Variants in PRKCQ observed in about 807,000 individuals in gnomAD.
The protein encoded by PRKCQ is protein kinase C theta, also known as protein kinase C theta type.
In PRKCQ, 41 loss-of-function variants were observed where a neutral mutation model predicts 91.2. That is an observed-to-expected ratio of 0.45 (90% CI 0.35 to 0.58). The LOEUF is 0.58. Among genes scored for constraint, PRKCQ ranks in the 20% least tolerant of loss-of-function variants. The probability of loss-of-function intolerance (pLI) is 0.00; values close to 1 mark genes in which losing one functional copy is unlikely to be tolerated. For missense variants in PRKCQ, 673 were observed against 896.5 expected (o/e 0.75, Z 3.18); for synonymous variants, 307 against 316.9 (o/e 0.97, Z 0.33).
At chr10:6,469,162 G>C (rs1835836324) in intron 12 of PRKCQ, among the ~76,000 whole-genome samples, 1 of 152,192 alleles carries the variant, frequency 6.6e-6, no homozygotes, top group African/African-American at 2.4e-5. Context: ...CACACTGTGG[G>C]TCCCCAGGTT....
chr10:6,476,282 G>A (rs759725336), intron 12 of PRKCQ, among the ~76,000 whole-genome samples: 13 of 135,564 alleles, frequency 9.6e-5, no homozygotes, highest in Admixed American at 3.2e-4. Flanking sequence ...AGCCTTCCCC[G>A]TAAGACATGA....
At chr10:6,535,821 T>G (rs766402233) in intron 1 of PRKCQ, among the ~76,000 whole-genome samples, 1 of 152,192 alleles carries the variant, frequency 6.6e-6, no homozygotes, top group Non-Finnish European at 1.5e-5. Context: ...ATAAGCTCTA[T>G]GCTTTGGAAA....
At position 6,500,663 on chromosome 10, in the gene PRKCQ, T is replaced by C. The variant is rs114387280; in HGVS notation, c.380-2105A>G. ...ATTTTTTTTGTATTGACTATATTTA[T>C]TTCTCTATTTACTGGTTTGAATGAG... On this transcript the variant is annotated intron_variant, in intron 4 of 17. Coordinates refer to ENST00000263125, the MANE Select transcript of PRKCQ (RefSeq NM_006257.5). 3.2e-3 allele frequency among the ~76,000 whole-genome samples: 492 copies of C among 152,278 alleles called. 2 individuals are homozygous for C. The highest frequency in any genetic ancestry group is 0.011 in the African/African-American group (466 of 41,578).
chr10:6,486,253 G>C (rs1421410134), intron 8 of PRKCQ, 109 bp from the exon 9 acceptor site: 5 of 865,008 alleles, frequency 5.8e-6, no homozygotes, highest in African/African-American at 3.4e-5. Flanking sequence ...AAAGCCTAAA[G>C]TGCCACGGCT....
At chr10:6,550,361 C>G (rs1291210964) in intron 1 of PRKCQ, among the ~76,000 whole-genome samples, 1 of 152,166 alleles carries the variant, frequency 6.6e-6, no homozygotes, top group African/African-American at 2.4e-5. Context: ...GCAGCCTCCA[C>G]CTCCCAGATT....
the PRKCQ span, among the ~76,000 whole-genome samples, chr10:6,417,990 A>C: frequency 2.6e-5 from 4 of 152,144 alleles, no homozygotes; most frequent in Non-Finnish European, 4.4e-5. Context: ...CCCATCTCCC[A>C]GAGGCGCGCC....
intron 15 of PRKCQ, among the ~76,000 whole-genome samples, chr10:6,455,210 C>T (rs1290947209): frequency 6.6e-6 from 1 of 152,144 alleles, no homozygotes. Flanking sequence ...TCTTAAGTCC[C>T]CATCACTCGT....
At chr10:6,543,779 G>T (rs1250313901) in intron 1 of PRKCQ, among the ~76,000 whole-genome samples, 1 of 152,166 alleles carries the variant, frequency 6.6e-6, no homozygotes, top group Non-Finnish European at 1.5e-5. Flanking sequence ...GGAGGAAACT[G>T]GGGGGTCGGC....
chr10:6,530,552 G>T (rs1588389738), intron 1 of PRKCQ, among the ~76,000 whole-genome samples: 1 of 152,218 alleles, frequency 6.6e-6, no homozygotes, highest in African/African-American at 2.4e-5. Flanking sequence ...GTCACAGGGG[G>T]GGTTGTTGCA....
chr10:6,506,474 C>T (rs79846299), intron 4 of PRKCQ, among the ~76,000 whole-genome samples: 1,802 of 152,246 alleles, frequency 0.012, 34 homozygotes, highest in African/African-American at 0.041. Flanking sequence ...TCGCCTTTTA[C>T]TAAAATATTT....
intron 16 of PRKCQ, among the ~76,000 whole-genome samples, chr10:6,437,465 T>C (rs1206744225): frequency 1.3e-5 from 2 of 152,164 alleles, no homozygotes; most frequent in African/African-American, 4.8e-5. Context: ...GAAAGAAATG[T>C]CTGTTGTTTA....
intron 1 of PRKCQ, among the ~76,000 whole-genome samples, chr10:6,568,321 CATTTA>C (rs923040502): frequency 7.9e-5 from 12 of 152,096 alleles, no homozygotes; most frequent in South Asian, 2.1e-4. Context: ...AATATCTTTT[CATTTA>C]ATTTAAACAA....
intron 15 of PRKCQ, among the ~76,000 whole-genome samples, chr10:6,454,799 G>A (rs988165493): frequency 2.6e-5 from 4 of 152,148 alleles, no homozygotes; most frequent in Non-Finnish European, 5.9e-5. Flanking sequence ...CATCAATGAA[G>A]TTGCTCGTGG....
chr10:6,423,598 C>T (rs1038827801), downstream of PRKCQ, among the ~76,000 whole-genome samples: 16 of 152,148 alleles, frequency 1.1e-4, no homozygotes, highest in African/African-American at 2.9e-4. Flanking sequence ...TCAGTAACTC[C>T]GGGAAGTGAG....
At chr10:6,415,048 C>T in the PRKCQ span, among the ~76,000 whole-genome samples, 1 of 151,940 alleles carries the variant, frequency 6.6e-6, no homozygotes, top group Non-Finnish European at 1.5e-5. Context: ...CTGCAACCTC[C>T]GTCTCCTGGG....
At chr10:6,542,057 G>A (rs1839794274) in intron 1 of PRKCQ, among the ~76,000 whole-genome samples, 1 of 152,214 alleles carries the variant, frequency 6.6e-6, no homozygotes, top group South Asian at 2.1e-4. Flanking sequence ...AGAGGCAGAA[G>A]CCTGGGATGC....
chr10:6,491,918 G>C, intron 7 of PRKCQ, 106 bp from the exon 8 acceptor site: 1 of 1,447,504 alleles, frequency 6.9e-7, no homozygotes, highest in Middle Eastern at 1.8e-4. Flanking sequence ...TGAAAACACT[G>C]GCATTGTGTG....
chr10:6,510,426 A>G (rs930204764), intron 3 of PRKCQ, among the ~76,000 whole-genome samples: 4 of 152,216 alleles, frequency 2.6e-5, no homozygotes, highest in African/African-American at 9.6e-5. Flanking sequence ...AGAAGACCAA[A>G]CATTAAATGG....
At chr10:6,445,599 T>C (rs1834237634) in intron 15 of PRKCQ, among the ~76,000 whole-genome samples, 1 of 152,250 alleles carries the variant, frequency 6.6e-6, no homozygotes, top group Non-Finnish European at 1.5e-5. Flanking sequence ...TCTGCTTTGA[T>C]GATGCACTTG....
Sources: allele counts gnomAD v4.1 joint callset (sites outside exome capture counted in the v4.1 genomes callset), GRCh38; gene constraint gnomAD v4.1.1; transcripts MANE v1.5; gene names NCBI Gene and HGNC (gene_info 2026-07-23, HGNC 2026-07-21).